The following FRMD4A variants were observed in gnomAD, a reference collection of about 807,000 sequenced individuals.
The protein encoded by FRMD4A is FERM domain containing 4A, also known as FERM domain-containing protein 4A.
A neutral mutation model predicts 129.1 loss-of-function variants in FRMD4A; 29 were observed. That is an observed-to-expected ratio of 0.22 (90% confidence interval 0.17 to 0.31). The LOEUF (loss-of-function observed/expected upper bound fraction) is 0.31, where lower values mean the gene tolerates loss of function less well. Ranked by LOEUF, FRMD4A falls within the 10% of genes least tolerant of loss-of-function variation. The pLI is 1.00. For missense variants in FRMD4A, 1,272 were observed against 1,375.8 expected (o/e 0.92, Z 1.19); for synonymous variants, 634 against 571.6 (o/e 1.11, Z -1.56).
At chr10:13,669,315 G>A (rs998671383) in intron 17 of FRMD4A, among the ~76,000 whole-genome samples, 1 of 152,138 alleles carries the variant, frequency 6.6e-6, no homozygotes, top group African/African-American at 2.4e-5. Flanking sequence ...GCGCACTCTG[G>A]CCTCCCAAAG....
chr10:14,229,887 A>G (rs1367153137), intron 2 of FRMD4A, among the ~76,000 whole-genome samples: 1 of 152,242 alleles, frequency 6.6e-6, no homozygotes, highest in Non-Finnish European at 1.5e-5. Context: ...TGTCCTCTCT[A>G]CATGGGGTCA....
At chr10:13,704,492 C>T (rs1290899858) in intron 13 of FRMD4A, among the ~76,000 whole-genome samples, 3 of 148,018 alleles carry the variant, frequency 2.0e-5, no homozygotes, top group Non-Finnish European at 3.1e-5. Context: ...CATCTATATC[C>T]CCCTGAGGCC....
chr10:14,330,223 A>T, intron 1 of FRMD4A, 40 bp from the exon 2 acceptor site: 1 of 975,846 alleles, frequency 1.0e-6, no homozygotes, highest in Non-Finnish European at 1.6e-6. Context: ...TAGGGAGCAA[A>T]AGGCTCAAGG....
chr10:13,927,290 C>A (rs1020336048), intron 2 of FRMD4A, among the ~76,000 whole-genome samples: 1 of 151,966 alleles, frequency 6.6e-6, no homozygotes. Context: ...GAGAATGAAG[C>A]CCAGTGTCAT....
In FRMD4A at chr10:13,900,765, CAG is replaced by C. The variant is rs569977093; in HGVS notation, c.46-41855_46-41854del. ...TACAAAAATTAGCCAGGCGTGTTGG[CAG>C]GTGCCTGTAATCCCAGCTACTCAGG... On this transcript the variant is annotated intron_variant, in intron 2 of 24. Transcript: ENST00000357447. 9.4e-3 allele frequency among the ~76,000 whole-genome samples: 1,429 copies of C among 152,124 alleles called. 13 individuals carry two copies. Among genetic ancestry groups the C allele is most frequent in the South Asian group, 0.027 (130 of 4,812 alleles).
At chr10:13,779,181 A>T (rs10796123) in intron 6 of FRMD4A, among the ~76,000 whole-genome samples, 2 of 151,922 alleles carry the variant, frequency 1.3e-5, no homozygotes, top group African/African-American at 2.4e-5. Context: ...GCCAGGTGTG[A>T]TGGCTGGTGC....
intron 12 of FRMD4A, among the ~76,000 whole-genome samples, chr10:13,731,704 C>G (rs1018660610): frequency 2.7e-5 from 4 of 150,088 alleles, no homozygotes; most frequent in Non-Finnish European, 4.4e-5. Flanking sequence ...GTTTAGGGTT[C>G]TGCTTGACCT....
chr10:13,983,097 G>A (rs372328353), intron 2 of FRMD4A, among the ~76,000 whole-genome samples: 6 of 152,240 alleles, frequency 3.9e-5, no homozygotes, highest in African/African-American at 1.4e-4. Context: ...ACTAGCTGGG[G>A]CTATAGGCGT....
chr10:13,906,817 G>A (rs1055251143), intron 2 of FRMD4A, among the ~76,000 whole-genome samples: 13 of 152,124 alleles, frequency 8.5e-5, no homozygotes, highest in African/African-American at 2.9e-4. Context: ...CGCCCTGCTC[G>A]TGTGTGAATA....
At chr10:13,958,836 C>T (rs1390976075) in intron 2 of FRMD4A, among the ~76,000 whole-genome samples, 5 of 152,118 alleles carry the variant, frequency 3.3e-5, no homozygotes, top group East Asian at 1.9e-4. Flanking sequence ...CCACCTGCCT[C>T]GGCCTCCCAA....
chr10:13,714,586 C>T (rs974280274), intron 12 of FRMD4A, among the ~76,000 whole-genome samples: 1 of 152,028 alleles, frequency 6.6e-6, no homozygotes. Context: ...ACACATGGTG[C>T]CTAATACATG....
chr10:13,984,366 G>A (rs1588673500), intron 2 of FRMD4A, among the ~76,000 whole-genome samples: 1 of 152,086 alleles, frequency 6.6e-6, no homozygotes, highest in African/African-American at 2.4e-5. Flanking sequence ...TCCAGATACT[G>A]ACCTATTTTT....
chr10:13,831,816 G>A (rs2093794372), intron 3 of FRMD4A, among the ~76,000 whole-genome samples: 1 of 152,064 alleles, frequency 6.6e-6, no homozygotes, highest in Admixed American at 6.5e-5. Context: ...TCTCCCAGTT[G>A]CCATTGTCTG....
At chr10:13,837,119 G>A (rs1289203646) in intron 3 of FRMD4A, among the ~76,000 whole-genome samples, 2 of 152,142 alleles carry the variant, frequency 1.3e-5, no homozygotes, top group East Asian at 3.9e-4. Context: ...TGGTGAGGAT[G>A]GTGAGGCATT....
chr10:14,052,639 A>G (rs1834315013), intron 2 of FRMD4A, among the ~76,000 whole-genome samples: 1 of 151,928 alleles, frequency 6.6e-6, no homozygotes, highest in African/African-American at 2.4e-5. Context: ...GCTCACTGCA[A>G]CCTCCGCCTC....
chr10:14,305,743 CA>C (rs1846328213), intron 2 of FRMD4A, among the ~76,000 whole-genome samples: 2 of 152,018 alleles, frequency 1.3e-5, no homozygotes, highest in Admixed American at 6.6e-5. Context: ...CCGTCAATGA[CA>C]GACTGGATAA....
At chr10:14,083,654 G>A (rs898716) in intron 2 of FRMD4A, 34,433 of 152,152 alleles carry the variant, frequency 0.23, 4,156 homozygotes, top group East Asian at 0.38. Flanking sequence ...AGTGTCTCTA[G>A]TTGTCCCGGT....
At position 14,055,540 on chromosome 10, in the gene FRMD4A, C is replaced by T. The variant is rs575192966; in HGVS notation, c.46-196628G>A. On this transcript the variant is annotated intron_variant, in intron 2 of 24. Coordinates refer to ENST00000357447, the MANE Select transcript of FRMD4A (RefSeq NM_018027.5). Reference sequence around the variant, plus strand: ...TGAATTGCACATAGCACAAACTATACGATCACTAGATTTATTTTCTCACAA... The same window carrying T: ...TGAATTGCACATAGCACAAACTATATGATCACTAGATTTATTTTCTCACAA... 2.4e-3 allele frequency among the ~76,000 whole-genome samples: 357 copies of T among 151,840 alleles called. 1 individual carries two copies. Among genetic ancestry groups the T allele is most frequent in the African/African-American group, 8.0e-3 (331 of 41,358 alleles).
At chr10:14,056,380 C>T (rs1370930572) in intron 2 of FRMD4A, among the ~76,000 whole-genome samples, 2 of 151,834 alleles carry the variant, frequency 1.3e-5, no homozygotes, top group African/African-American at 4.8e-5. Flanking sequence ...ACATCCCCAC[C>T]TCTCCCCAAC....
Sources: gnomAD v4.1 joint callset for allele counts (sites outside exome capture counted in the v4.1 genomes callset) on GRCh38, gnomAD v4.1.1 for gene constraint, MANE v1.5 for transcripts, NCBI Gene and HGNC (gene_info 2026-07-23, HGNC 2026-07-21) for gene names.